The following TNNI3K variants were observed in gnomAD, a reference collection of about 807,000 sequenced individuals.
The protein encoded by TNNI3K is TNNI3 interacting kinase.
TNNI3K carries 140 observed loss-of-function variants against 114.5 expected under a neutral mutation model. That is an observed-to-expected ratio of 1.22 (90% CI 1.07 to 1.41). The LOEUF (loss-of-function observed/expected upper bound fraction) is 1.41, where lower values mean the gene tolerates loss of function less well. TNNI3K is among the 40% of genes most tolerant of loss of function. The probability of loss-of-function intolerance (pLI) is 0.00; values close to 1 mark genes in which losing one functional copy is unlikely to be tolerated. For missense variants in TNNI3K, 1,125 were observed against 1,007.6 expected (o/e 1.12, Z -1.58); for synonymous variants, 347 against 347.5 (o/e 1.00, Z 0.02).
chr1:74,242,320 C>A lies in TNNI3K; in HGVS notation c.149+6110C>A, dbSNP rs186533690. ...AGAATGCTCTGTTCCATTAAATAGTCACAATGTATAGAGGAAATAAAAAAA... is the reference window on the plus strand; with the variant it reads ...AGAATGCTCTGTTCCATTAAATAGTAACAATGTATAGAGGAAATAAAAAAA... On this transcript the variant is annotated intron_variant, in intron 2 of 24. Transcript: ENST00000326637. 2.4e-3 allele frequency among the ~76,000 whole-genome samples: 360 copies of A among 152,238 alleles called. 1 individual carries two copies. The highest frequency in any genetic ancestry group is 8.1e-3 in the African/African-American group (337 of 41,538).
chr1:74,342,111 T>G (rs1570489201), intron 7 of TNNI3K: 1 of 152,234 alleles, frequency 6.6e-6, no homozygotes, highest in Non-Finnish European at 1.5e-5. Context: ...AAGCACATTT[T>G]CTGCTTCTGT....
intron 2 of TNNI3K, among the ~76,000 whole-genome samples, chr1:74,242,701 C>A (rs1654318916): frequency 6.6e-6 from 1 of 152,080 alleles, no homozygotes; most frequent in South Asian, 2.1e-4. Context: ...CCCTCAAATC[C>A]AAAAGGAAAC....
intron 21 of TNNI3K, chr1:74,475,389 T>C: frequency 1.4e-6 from 1 of 717,112 alleles, no homozygotes; most frequent in Non-Finnish European, 2.6e-6. Context: ...GATTATATGT[T>C]GTAAGTAAGC....
chr1:74,505,079 G>A (rs1249893074), intron 23 of TNNI3K, among the ~76,000 whole-genome samples: 1 of 152,170 alleles, frequency 6.6e-6, no homozygotes, highest in East Asian at 1.9e-4. Flanking sequence ...AAAATGAAGA[G>A]AAACCCTCTC....
intron 4 of TNNI3K, among the ~76,000 whole-genome samples, chr1:74,258,558 T>C (rs1453155499): frequency 6.6e-6 from 1 of 152,216 alleles, no homozygotes; most frequent in African/African-American, 2.4e-5. Flanking sequence ...AGAAAGTCTA[T>C]ATAAGTTGTT....
At chr1:74,431,318 ATTT>A (rs1019850108) in intron 17 of TNNI3K, among the ~76,000 whole-genome samples, 1 of 151,846 alleles carries the variant, frequency 6.6e-6, no homozygotes, top group African/African-American at 2.4e-5. Context: ...TCTTAAGACT[ATTT>A]TTTTCTACTT....
At chr1:74,499,566 A>G (rs1422445626) in intron 23 of TNNI3K, among the ~76,000 whole-genome samples, 1 of 152,196 alleles carries the variant, frequency 6.6e-6, no homozygotes, top group Non-Finnish European at 1.5e-5. Flanking sequence ...ATTATACTGT[A>G]TATTGGATTC....
intron 5 of TNNI3K, among the ~76,000 whole-genome samples, chr1:74,278,483 C>A (rs1017540593): frequency 2.6e-5 from 4 of 152,108 alleles, no homozygotes; most frequent in Non-Finnish European, 5.9e-5. Flanking sequence ...ATCTGCAGAT[C>A]TGAACCCCCT....
intron 21 of TNNI3K, among the ~76,000 whole-genome samples, chr1:74,472,943 A>T (rs1668008696): frequency 6.6e-6 from 1 of 152,046 alleles, no homozygotes; most frequent in South Asian, 2.1e-4. Flanking sequence ...CTAAAGGAAA[A>T]TAGTACATGA....
chr1:74,349,754 T>C (rs1359003744), intron 9 of TNNI3K, among the ~76,000 whole-genome samples: 1 of 152,250 alleles, frequency 6.6e-6, no homozygotes, highest in Non-Finnish European at 1.5e-5. Context: ...CTAGTTTATT[T>C]GCATAGAGGT....
chr1:74,435,598 T>G (rs1293231116), intron 17 of TNNI3K, among the ~76,000 whole-genome samples: 1 of 152,078 alleles, frequency 6.6e-6, no homozygotes, highest in Non-Finnish European at 1.5e-5. Flanking sequence ...TGAGATTGTA[T>G]CTAGAATGTA....
chr1:74,357,982 A>T (rs1661751395), intron 11 of TNNI3K, among the ~76,000 whole-genome samples: 1 of 152,094 alleles, frequency 6.6e-6, no homozygotes, highest in African/African-American at 2.4e-5. Context: ...AAAGACCTAC[A>T]CATAATCTTA....
chr1:74,310,580 A>G (rs1468619903), intron 5 of TNNI3K, among the ~76,000 whole-genome samples: 2 of 152,306 alleles, frequency 1.3e-5, no homozygotes, highest in East Asian at 1.9e-4. Flanking sequence ...CTACAAGCCT[A>G]CAGTAACTAA....
chr1:74,277,028 T>G (rs544188830), intron 5 of TNNI3K, among the ~76,000 whole-genome samples: 1 of 152,280 alleles, frequency 6.6e-6, no homozygotes, highest in South Asian at 2.1e-4. Context: ...AGGCCTAAGA[T>G]CCTGTCAGCA....
chr1:74,272,652 G>C (rs1034138921), intron 5 of TNNI3K, among the ~76,000 whole-genome samples: 6 of 151,832 alleles, frequency 4.0e-5, no homozygotes, highest in Non-Finnish European at 8.8e-5. Context: ...AAATCACACA[G>C]TGTTTTAAAG....
At position 74,525,456 on chromosome 1, in the gene TNNI3K, ACCCTGAGT is replaced by A. The variant is rs537440676; in HGVS notation, c.2352-14771_2352-14764del. 1.9e-4 allele frequency among the ~76,000 whole-genome samples: 29 copies of A among 152,298 alleles called. No homozygotes were observed. The East Asian group carries it at 5.4e-3, about 28-fold the overall frequency. On this transcript the variant is annotated intron_variant, in intron 23 of 24. Coordinates refer to ENST00000326637, the MANE Select transcript of TNNI3K (RefSeq NM_015978.3). ...TGAAAACTAGCTCAGTCTGATTCAC[ACCCTGAGT>A]CCCTGACCACTTGGCCAACTGCATA...
At chr1:74,466,959 C>T (rs1185540236) in intron 21 of TNNI3K, among the ~76,000 whole-genome samples, 1 of 152,156 alleles carries the variant, frequency 6.6e-6, no homozygotes, top group African/African-American at 2.4e-5. Context: ...CTATAGTTAA[C>T]TGCCAAGGTT....
intron 21 of TNNI3K, chr1:74,481,020 A>C (rs543626278): frequency 3.0e-6 from 2 of 658,500 alleles, no homozygotes; most frequent in Admixed American, 4.5e-5. Flanking sequence ...AGTGGGAGGG[A>C]GGGGGTATGG....
intron 2 of TNNI3K, among the ~76,000 whole-genome samples, chr1:74,238,485 CTT>C (rs1653993360): frequency 1.3e-5 from 2 of 151,834 alleles, no homozygotes; most frequent in Admixed American, 6.6e-5. Flanking sequence ...GGATAGAAGA[CTT>C]ATCATAAAGT....
Sources: allele counts gnomAD v4.1 joint callset (sites outside exome capture counted in the v4.1 genomes callset), GRCh38; gene constraint gnomAD v4.1.1; transcripts MANE v1.5; gene names NCBI Gene and HGNC (gene_info 2026-07-23, HGNC 2026-07-21).